The following TGFBR2 variants were observed in gnomAD, a reference collection of about 807,000 sequenced individuals.
The protein encoded by TGFBR2 is transforming growth factor beta receptor 2.
A neutral mutation model predicts 49.0 loss-of-function variants in TGFBR2; 18 were observed. The ratio of observed to expected loss-of-function variants is 0.37; its 90% CI spans 0.25 to 0.54. The LOEUF (loss-of-function observed/expected upper bound fraction) is 0.54, where lower values mean the gene tolerates loss of function less well. TGFBR2 is among the 20% of genes least tolerant of loss of function. The pLI is 0.85. For synonymous variants in TGFBR2, 282 were observed against 275.9 expected, an observed-to-expected ratio of 1.02 and a Z score of -0.22; for missense variants, 525 against 722.6, an observed-to-expected ratio of 0.73 and a Z score of 3.13.
chr3:30,630,241 G>C (rs1036802333), intron 1 of TGFBR2, among the ~76,000 whole-genome samples: 11 of 152,192 alleles, frequency 7.2e-5, no homozygotes, highest in African/African-American at 2.7e-4. Context: ...AGGTTTAATA[G>C]ATAAGATTCA....
chr3:30,654,213 G>C (rs1223374184), intron 3 of TGFBR2, among the ~76,000 whole-genome samples: 1 of 152,190 alleles, frequency 6.6e-6, no homozygotes, highest in African/African-American at 2.4e-5. Context: ...TTTTGTTGTT[G>C]TTGTAAATGA....
chr3:30,674,044 T>C, intron 4 of TGFBR2, 61 bp from the exon 5 acceptor site: 2 of 1,610,148 alleles, frequency 1.2e-6, no homozygotes, highest in Non-Finnish European at 1.7e-6. Context: ...TCAGCTATAT[T>C]GTGAAAATAA....
At chr3:30,633,175 T>C (rs1040126063) in intron 1 of TGFBR2, among the ~76,000 whole-genome samples, 5 of 152,224 alleles carry the variant, frequency 3.3e-5, no homozygotes, top group Non-Finnish European at 1.5e-5. Flanking sequence ...CTCATTGATA[T>C]GATATGATAA....
chr3:30,689,783 G>T (rs186100137), intron 6 of TGFBR2, among the ~76,000 whole-genome samples: 34 of 152,242 alleles, frequency 2.2e-4, no homozygotes, highest in Non-Finnish European at 4.6e-4. Flanking sequence ...TATAGTTCTC[G>T]TAATGATGCC....
rs141113059 is a variant in TGFBR2 at position 30,688,457 on chromosome 3, C to T, written c.1470C>T (p.Asn490=). Residue 490 remains asparagine, a synonymous_variant, in exon 6 of 7, where the codon AAC becomes AAT. Coordinates refer to ENST00000295754, the MANE Select transcript of TGFBR2 (RefSeq NM_003242.6). ...CCTGTGTCGAAAGCATGAAGGACAA[C>T]GTGTTGAGAGATCGAGGGCGACCAG... ...EHPCVESMKD[N]VLRDRGRPEI... 8.1e-6 allele frequency: 13 copies of T among 1,614,102 alleles called. No individual in the cohort carries two copies. Among genetic ancestry groups the T allele is most frequent in the African/African-American group, 4.0e-5 (3 of 74,948 alleles).
chr3:30,688,152 T>C (rs1301741386), intron 5 of TGFBR2, among the ~76,000 whole-genome samples: 1 of 152,248 alleles, frequency 6.6e-6, no homozygotes, highest in Non-Finnish European at 1.5e-5. Context: ...GCGTAACACC[T>C]AGCACATTTT....
At position 30,672,502 on chromosome 3, in the gene TGFBR2, A is replaced by G. The variant is rs914936240; in HGVS notation, c.1254+65A>G. On this transcript the variant is annotated intron_variant, in intron 4 of 6. Coordinates refer to ENST00000295754, the MANE Select transcript of TGFBR2 (RefSeq NM_003242.6). The surrounding 1 kb of genome is among the most constrained non-coding windows in gnomAD (Gnocchi z 4.5). ...CTGGCCTCACCCTACCTCTTGATCC[A>G]TATCTCCTGGCTCTTATCTCAAACA... 6.5e-7 allele frequency: 1 copy of G among 1,542,890 alleles called. No individual in the cohort carries two copies. Among genetic ancestry groups the G allele is most frequent in the Non-Finnish European group, 9.0e-7 (1 of 1,115,910 alleles).
chr3:30,677,230 G>A (rs1699456011), intron 5 of TGFBR2, among the ~76,000 whole-genome samples: 1 of 152,112 alleles, frequency 6.6e-6, no homozygotes. Context: ...AAGCTAATGA[G>A]GAAGGAGTTC....
intron 3 of TGFBR2, among the ~76,000 whole-genome samples, chr3:30,656,077 T>C (rs1300122967): frequency 6.6e-6 from 1 of 152,160 alleles, no homozygotes; most frequent in African/African-American, 2.4e-5. Context: ...GAACCAGAGA[T>C]GGAGGTCTTA....
At chr3:30,679,346 C>T (rs182273283) in intron 5 of TGFBR2, among the ~76,000 whole-genome samples, 6 of 152,280 alleles carry the variant, frequency 3.9e-5, no homozygotes, top group Admixed American at 3.3e-4. Flanking sequence ...TAGCCAGTCT[C>T]CCCTGAATGC....
intron 3 of TGFBR2, among the ~76,000 whole-genome samples, chr3:30,671,053 C>T (rs1699327920): frequency 6.6e-6 from 1 of 152,200 alleles, no homozygotes; most frequent in South Asian, 2.1e-4. Flanking sequence ...AGATGTCATA[C>T]ATGCAGATTT....
intron 1 of TGFBR2, among the ~76,000 whole-genome samples, chr3:30,636,231 G>C (rs1352383337): frequency 1.3e-5 from 2 of 150,148 alleles, no homozygotes; most frequent in African/African-American, 2.4e-5. Flanking sequence ...GTGAGCCACC[G>C]CACCCGGCCC....
In TGFBR2 at chr3:30,672,167, C is replaced by T. The variant is rs193922666; in HGVS notation, c.984C>T (p.His328=). Residue 328 remains histidine (H), a synonymous_variant, in exon 4 of 7, where the codon CAC becomes CAT. Coordinates refer to ENST00000295754, the MANE Select transcript of TGFBR2 (RefSeq NM_003242.6). The surrounding 1 kb of genome is among the most constrained non-coding windows in gnomAD (Gnocchi z 4.5). ...GKQYWLITAF[H]AKGNLQEYLT... is the part of the protein sequence containing the mutation. ...AATACTGGCTGATCACCGCCTTCCA[C>T]GCCAAGGGCAACCTACAGGAGTACC... The T allele has an allele frequency of 1.6e-4, 259 of 1,614,152 alleles. No individual in the cohort carries two copies. The highest frequency in any genetic ancestry group is 9.9e-4 in the Middle Eastern group (6 of 6,062).
At chr3:30,639,563 C>T (rs1698606967) in intron 1 of TGFBR2, among the ~76,000 whole-genome samples, 1 of 152,150 alleles carries the variant, frequency 6.6e-6, no homozygotes, top group African/African-American at 2.4e-5. Context: ...AAAAATATTC[C>T]CAAAGTACTT....
At chr3:30,625,432 T>G (rs1363252867) in intron 1 of TGFBR2, among the ~76,000 whole-genome samples, 2 of 152,206 alleles carry the variant, frequency 1.3e-5, no homozygotes, top group African/African-American at 4.8e-5. Context: ...CACATTTGTT[T>G]CCTTGAACTT....
intron 5 of TGFBR2, among the ~76,000 whole-genome samples, chr3:30,679,723 CG>C (rs1699506404): frequency 6.6e-6 from 1 of 152,186 alleles, no homozygotes; most frequent in African/African-American, 2.4e-5. Context: ...TCAGGAAGTG[CG>C]AAAGTTGTGG....
At chr3:30,616,844 A>G (rs1395864581) in intron 1 of TGFBR2, among the ~76,000 whole-genome samples, 1 of 152,176 alleles carries the variant, frequency 6.6e-6, no homozygotes, top group African/African-American at 2.4e-5. Context: ...GTGTCTGAGC[A>G]TACATCCTGA....
chr3:30,685,487 T>A (rs1026328505), intron 5 of TGFBR2, among the ~76,000 whole-genome samples: 3 of 152,124 alleles, frequency 2.0e-5, no homozygotes, highest in African/African-American at 7.2e-5. Context: ...TAAGCTCTCA[T>A]GAGAAGGAAG....
At chr3:30,617,741 G>C (rs1304870703) in intron 1 of TGFBR2, among the ~76,000 whole-genome samples, 1 of 152,130 alleles carries the variant, frequency 6.6e-6, no homozygotes, top group African/African-American at 2.4e-5. Context: ...AGCAACTGAA[G>C]ATGTTCTAAT....
Sources: allele counts gnomAD v4.1 joint callset (sites outside exome capture counted in the v4.1 genomes callset), GRCh38; gene constraint gnomAD v4.1.1; non-coding constraint Gnocchi (gnomAD v3.1); transcripts MANE v1.5; gene names NCBI Gene and HGNC (gene_info 2026-07-23, HGNC 2026-07-21).